GRID1: variants seen among roughly 807,000 people sequenced by gnomAD.
The protein encoded by GRID1 is glutamate ionotropic receptor delta type subunit 1.
GRID1 carries 28 observed loss-of-function variants against 98.0 expected under a neutral mutation model. The ratio of observed to expected loss-of-function variants is 0.29; its 90% CI spans 0.21 to 0.39. GRID1 has a LOEUF of 0.39. GRID1 is among the 10% of genes least tolerant of loss of function. The pLI is 1.00. For synonymous variants in GRID1, 553 were observed against 538.5 expected (o/e 1.03, Z -0.37); for missense variants, 1,111 against 1,340.5 (o/e 0.83, Z 2.67).
chr10:85,854,638 A>G (rs935330495), intron 7 of GRID1, 23 bp from the exon 8 acceptor site: 1 of 1,613,780 alleles, frequency 6.2e-7, no homozygotes, highest in Non-Finnish European at 8.5e-7. Context: ...AGAAAAACCC[A>G]TTGGAAAATC....
chr10:85,853,863 CT>C lies in GRID1; in HGVS notation c.1233+632del, dbSNP rs1843084036. Among the ~76,000 whole-genome samples, 3 of 152,238 alleles carry C rather than the reference CT, an allele frequency of 2.0e-5. No individual in the cohort carries two copies. In the South Asian group the frequency reaches 6.2e-4, roughly 32 times the overall value. The stretch of plus-strand genomic sequence containing the variant: ...AGGCCACTCTCCACTATCCACAGTC[CT>C]GAAAACTGTTCTCTATCACCCATAA... On this transcript the variant is annotated intron_variant, in intron 8 of 15. Transcript: ENST00000327946.
intron 13 of GRID1, among the ~76,000 whole-genome samples, chr10:85,633,632 T>C (rs1045474450): frequency 2.6e-5 from 4 of 152,210 alleles, no homozygotes; most frequent in Admixed American, 2.0e-4. Context: ...GCTGGGAGAC[T>C]GTCTCCAGGG....
chr10:85,760,692 C>T (rs1034156117), intron 8 of GRID1, among the ~76,000 whole-genome samples: 1 of 152,142 alleles, frequency 6.6e-6, no homozygotes, highest in Non-Finnish European at 1.5e-5. Flanking sequence ...GCAACACGTT[C>T]TATAGTGTCT....
chr10:85,819,920 A>G (rs540161199), intron 8 of GRID1, among the ~76,000 whole-genome samples: 2 of 151,006 alleles, frequency 1.3e-5, no homozygotes, highest in South Asian at 4.2e-4. Flanking sequence ...CAAGAAAGAA[A>G]GAGAGAATGA....
chr10:85,811,319 A>C (rs539780202), intron 8 of GRID1, among the ~76,000 whole-genome samples: 1 of 152,342 alleles, frequency 6.6e-6, no homozygotes, highest in East Asian at 1.9e-4. Flanking sequence ...GTAAGGACAC[A>C]GCAAACTTGA....
At chr10:85,607,807 CTTT>C (rs749667195) in intron 15 of GRID1, among the ~76,000 whole-genome samples, 5 of 137,646 alleles carry the variant, frequency 3.6e-5, no homozygotes, top group Admixed American at 7.3e-5. Flanking sequence ...TTTCCTTTTC[CTTT>C]TTTTTTTTTT....
At chr10:86,172,013 T>A (rs1214671978) in intron 3 of GRID1, among the ~76,000 whole-genome samples, 1 of 151,980 alleles carries the variant, frequency 6.6e-6, no homozygotes, top group African/African-American at 2.4e-5. Flanking sequence ...ATAATTTACA[T>A]GCCAAAAAAT....
Position 85,790,546 on chromosome 10 carries a change from G to A in GRID1, c.1234-60932C>T, listed in dbSNP as rs796313893. ...TCCTGTCTGGGCAGAGGGAGTGGGG[G>A]GAAGGGTGTGGAGTTCAGGCCATGT... On this transcript the variant is annotated intron_variant, in intron 8 of 15. Transcript: ENST00000327946. Among the ~76,000 whole-genome samples, 8 of 152,336 alleles carry A rather than the reference G, an allele frequency of 5.3e-5. 1 individual carries two copies. The highest frequency in any genetic ancestry group is 3.9e-4 in the East Asian group (2 of 5,176).
chr10:85,855,975 G>T, intron 7 of GRID1, 54 bp downstream of exon 7: 1 of 1,529,242 alleles, frequency 6.5e-7, no homozygotes, highest in Non-Finnish European at 9.0e-7. Flanking sequence ...ACACAGTGGA[G>T]GTATAAGAAG....
chr10:86,193,950 C>T (rs1199674165), intron 3 of GRID1, among the ~76,000 whole-genome samples: 1 of 152,040 alleles, frequency 6.6e-6, no homozygotes, highest in Non-Finnish European at 1.5e-5. Context: ...TAAGTGGGCC[C>T]TTGCTGCATT....
rs35668931 is a variant in GRID1 at position 85,600,779 on chromosome 10, G to A, written c.*1494C>T. On this transcript the variant is annotated 3_prime_UTR_variant, in exon 16 of 16. Transcript: ENST00000327946. ...CTCAGAAAGGGCAACTGAAGGAGGG[G>A]GCGCTGTTAGGTGGTCCTAGGCTTA... is the stretch of plus-strand genomic sequence containing the variant. 2,409 of 152,344 alleles carry A rather than the reference G, an allele frequency of 0.016. 18 individuals are homozygous for A. Among genetic ancestry groups the A allele is most frequent in the Non-Finnish European group, 0.026 (1,745 of 68,068 alleles). The allele number at this position is 152,344 out of a possible 1,614,324, so 9.4% of individuals were successfully genotyped here. A position where few individuals can be genotyped will look rare whatever the true frequency, so the allele number is the denominator to read the frequency against.
intron 3 of GRID1, among the ~76,000 whole-genome samples, chr10:86,171,229 C>G (rs927748079): frequency 6.6e-6 from 1 of 152,202 alleles, no homozygotes; most frequent in Non-Finnish European, 1.5e-5. Flanking sequence ...AGGGATGGTT[C>G]TCATCCTTCT....
chr10:85,949,694 TC>T (rs1165741766), intron 4 of GRID1, among the ~76,000 whole-genome samples: 1 of 152,142 alleles, frequency 6.6e-6, no homozygotes, highest in East Asian at 1.9e-4. Context: ...TTATTTAACC[TC>T]CCTGAAACTC....
chr10:85,718,754 T>G (rs1304013426), intron 12 of GRID1, among the ~76,000 whole-genome samples: 2 of 152,156 alleles, frequency 1.3e-5, no homozygotes, highest in African/African-American at 4.8e-5. Flanking sequence ...GGGCCTGTGA[T>G]GGGAGGGGCT....
At chr10:85,753,169 A>T (rs899116530) in intron 8 of GRID1, among the ~76,000 whole-genome samples, 2 of 152,238 alleles carry the variant, frequency 1.3e-5, no homozygotes, top group African/African-American at 4.8e-5. Flanking sequence ...TTTAACTAGA[A>T]GAGGGAGGGA....
At chr10:85,849,963 G>A (rs1843042298) in intron 8 of GRID1, among the ~76,000 whole-genome samples, 1 of 152,144 alleles carries the variant, frequency 6.6e-6, no homozygotes, top group Non-Finnish European at 1.5e-5. Flanking sequence ...AAACAGCTGT[G>A]TTGTCTCACA....
intron 4 of GRID1, among the ~76,000 whole-genome samples, chr10:86,116,432 G>A (rs1176738332): frequency 3.9e-5 from 6 of 152,152 alleles, no homozygotes; most frequent in Admixed American, 6.5e-5. Flanking sequence ...GAGCACTCAG[G>A]GAGGAGCCCA....
At chr10:86,076,083 T>C (rs901031792) in intron 4 of GRID1, among the ~76,000 whole-genome samples, 9 of 152,220 alleles carry the variant, frequency 5.9e-5, no homozygotes, top group African/African-American at 2.2e-4. Context: ...CCCTATTTTC[T>C]GGGAAAGGCT....
chr10:85,735,320 T>TC (rs529660624), intron 8 of GRID1, among the ~76,000 whole-genome samples: 216 of 152,304 alleles, frequency 1.4e-3, no homozygotes, highest in African/African-American at 4.9e-3. Flanking sequence ...ATTGCTGAGA[T>TC]CTGCTCTACC....
Sources: allele counts gnomAD v4.1 joint callset (sites outside exome capture counted in the v4.1 genomes callset), GRCh38; gene constraint gnomAD v4.1.1; transcripts MANE v1.5; gene names NCBI Gene and HGNC (gene_info 2026-07-23, HGNC 2026-07-21).